PRDM16: variants seen among roughly 807,000 people sequenced by gnomAD.
PRDM16 encodes histone-lysine N-methyltransferase PRDM16.
Under a neutral mutation model 110.6 loss-of-function variants are expected in PRDM16, and 23 were observed. That is an observed-to-expected ratio of 0.21 (90% CI 0.15 to 0.29). PRDM16 has a LOEUF of 0.29. Among genes scored for constraint, PRDM16 ranks in the 10% least tolerant of loss-of-function variants. The pLI, the probability that PRDM16 is intolerant of heterozygous loss-of-function variation, is 1.00. For synonymous variants in PRDM16, 799 were observed against 781.8 expected (o/e 1.02, Z -0.37); for missense variants, 1,615 against 1,794.3 (o/e 0.90, Z 1.81).
At chr1:3,090,004 A>G (rs1047574250) in intron 1 of PRDM16, among the ~76,000 whole-genome samples, 16 of 152,282 alleles carry the variant, frequency 1.1e-4, no homozygotes, top group African/African-American at 3.9e-4. Flanking sequence ...ATTTCTAAGA[A>G]GCTCTGTTCC....
In PRDM16 at chr1:3,432,150, C is replaced by T. The variant is rs369030039; in HGVS notation, c.3696+10C>T. 2.2e-5 allele frequency: 35 copies of T among 1,609,686 alleles called. No individual in the cohort carries two copies. The highest frequency in any genetic ancestry group is 3.3e-5 in the South Asian group (3 of 90,804). On this transcript the variant is annotated intron_variant, in intron 16 of 16. Transcript: ENST00000270722. ...GCAGGCTAAGAACCAGGTAGGTACC[C>T]GCCAGAGCCCCTCCCCCACCCCACC...
chr1:3,384,705 A>G (rs1012897626), intron 3 of PRDM16, among the ~76,000 whole-genome samples: 1 of 152,226 alleles, frequency 6.6e-6, no homozygotes, highest in Non-Finnish European at 1.5e-5. Context: ...CTGAGCATGC[A>G]CACACACATG....
chr1:3,242,384 C>T (rs1486901214), intron 2 of PRDM16, among the ~76,000 whole-genome samples: 1 of 152,222 alleles, frequency 6.6e-6, no homozygotes, highest in Non-Finnish European at 1.5e-5. Flanking sequence ...CGGCTCACTA[C>T]GGCGGGATCT....
In PRDM16 at chr1:3,157,895, C is replaced by G. The variant is rs998888794; in HGVS notation, c.38-28230C>G. 6.6e-6 allele frequency among the ~76,000 whole-genome samples: 1 copy of G among 152,226 alleles called. No individual in the cohort carries two copies. The highest frequency in any genetic ancestry group is 1.5e-5 in the Non-Finnish European group (1 of 68,046). On this transcript the variant is annotated intron_variant, in intron 1 of 16. Coordinates refer to ENST00000270722, the MANE Select transcript of PRDM16 (RefSeq NM_022114.4). This position sits in a 1 kb window ranked among gnomAD's most constrained non-coding sequence, Gnocchi z 4.8. Reference sequence around the variant, plus strand: ...AGCACCAACTATGCCATCTTCCTCCCACTTAAACCTCTCTTTTGACAGAGG... The same window carrying G: ...AGCACCAACTATGCCATCTTCCTCCGACTTAAACCTCTCTTTTGACAGAGG...
rs2100576078 is a variant in PRDM16, at chr1:3,080,361, C to T, written c.37+11065C>T. Among the ~76,000 whole-genome samples, 1 of 152,320 alleles carries T rather than the reference C, an allele frequency of 6.6e-6. No homozygotes were observed. Among genetic ancestry groups the T allele is most frequent in the African/African-American group, 2.4e-5 (1 of 41,582 alleles). Reference sequence around the variant, plus strand: ...ACAGAATACAAATGGTGCCACGAAGCACCGGGGATTTACGGCCGACCCGCG... The same window carrying T: ...ACAGAATACAAATGGTGCCACGAAGTACCGGGGATTTACGGCCGACCCGCG... On this transcript the variant is annotated intron_variant, in intron 1 of 16. Coordinates refer to ENST00000270722, the MANE Select transcript of PRDM16 (RefSeq NM_022114.4). This position sits in a 1 kb window ranked among gnomAD's most constrained non-coding sequence, Gnocchi z 5.2.
intron 5 of PRDM16, 32 bp from the exon 6 acceptor site, chr1:3,402,759 C>A (rs187877521): frequency 5.0e-6 from 8 of 1,590,532 alleles, no homozygotes; most frequent in Non-Finnish European, 6.9e-6. Context: ...GTCTCCAGCT[C>A]ACTCACCACC....
At chr1:3,291,180 C>T (rs1257033726) in intron 3 of PRDM16, among the ~76,000 whole-genome samples, 3 of 152,082 alleles carry the variant, frequency 2.0e-5, no homozygotes, top group Admixed American at 1.3e-4. Flanking sequence ...GCAGCCCACA[C>T]GGCCTCTCTC....
At chr1:3,235,270 G>A (rs1195957789) in intron 2 of PRDM16, among the ~76,000 whole-genome samples, 1 of 152,214 alleles carries the variant, frequency 6.6e-6, no homozygotes, top group Non-Finnish European at 1.5e-5. Context: ...TCATTTCCAG[G>A]GCGTGCGTGT....
intron 3 of PRDM16, among the ~76,000 whole-genome samples, chr1:3,263,825 G>A (rs1215203883): frequency 6.6e-6 from 1 of 152,234 alleles, no homozygotes; most frequent in East Asian, 1.9e-4. Flanking sequence ...AGCGACCCCT[G>A]GGCAGGTGGC....
At chr1:3,273,392 C>T (rs1025240770) in intron 3 of PRDM16, among the ~76,000 whole-genome samples, 4 of 152,178 alleles carry the variant, frequency 2.6e-5, no homozygotes, top group Admixed American at 6.5e-5. Context: ...CCTTGGCATA[C>T]TCTGATCTGT....
intron 9 of PRDM16, among the ~76,000 whole-genome samples, chr1:3,413,851 A>G (rs1361447785): frequency 6.6e-6 from 1 of 152,130 alleles, no homozygotes; most frequent in Admixed American, 6.5e-5. Context: ...GGAGGTTTGC[A>G]TTGTGATTCA....
In PRDM16 at chr1:3,351,530, G is replaced by GCCCC. The variant is rs1642481291; in HGVS notation, c.439-33622_439-33621insCCCC. ...CTGTGTCACATTGGAACCCGTCTCTGTCCCCCTCCCTCTCTGTCCCCCTCC... is the reference window on the plus strand; with the variant it reads ...CTGTGTCACATTGGAACCCGTCTCTGCCCCTCCCCCTCCCTCTCTGTCCCCCTCC... On this transcript the variant is annotated intron_variant, in intron 3 of 16. Coordinates refer to ENST00000270722, the MANE Select transcript of PRDM16 (RefSeq NM_022114.4). Among the ~76,000 whole-genome samples, 4 of 5,154 alleles carry GCCCC rather than the reference G, an allele frequency of 7.8e-4. 1 individual carries two copies. The highest frequency in any genetic ancestry group is 4.5e-3 in the Admixed American group (2 of 444). The allele number at this position is 5,154 out of a possible 152,430, so 3.4% of individuals were successfully genotyped here.
chr1:3,087,720 T>A (rs1036850827), intron 1 of PRDM16, among the ~76,000 whole-genome samples: 1 of 152,136 alleles, frequency 6.6e-6, no homozygotes, highest in African/African-American at 2.4e-5. Flanking sequence ...ATGGCTGGAA[T>A]CACTCTTTTC....
At chr1:3,433,475 C>T (rs1368160132) in intron 16 of PRDM16, among the ~76,000 whole-genome samples, 1 of 151,762 alleles carries the variant, frequency 6.6e-6, no homozygotes, top group Non-Finnish European at 1.5e-5. Flanking sequence ...GCCTGCCCTG[C>T]CCATCTGCTG....
At chr1:3,083,186 G>C (rs541544118) in intron 1 of PRDM16, among the ~76,000 whole-genome samples, 1 of 152,210 alleles carries the variant, frequency 6.6e-6, no homozygotes, top group Admixed American at 6.5e-5. Context: ...TAAACGTCTC[G>C]TCCGAGACCA....
chr1:3,286,456 C>T (rs556828584), intron 3 of PRDM16, among the ~76,000 whole-genome samples: 4 of 152,266 alleles, frequency 2.6e-5, no homozygotes, highest in African/African-American at 9.6e-5. Flanking sequence ...ACCTGCTCTG[C>T]TCTGCAGACG....
At chr1:3,121,155 G>C (rs1303007233) in intron 1 of PRDM16, among the ~76,000 whole-genome samples, 1 of 152,184 alleles carries the variant, frequency 6.6e-6, no homozygotes, top group African/African-American at 2.4e-5. Context: ...GCCCGTCACG[G>C]AGCCCGCAGG....
chr1:3,147,363 TC>T (rs1384543550), intron 1 of PRDM16, among the ~76,000 whole-genome samples: 2 of 152,028 alleles, frequency 1.3e-5, no homozygotes, highest in Admixed American at 1.3e-4. Context: ...GCCGTCCCTG[TC>T]CCTTTCACTG....
intron 3 of PRDM16, among the ~76,000 whole-genome samples, chr1:3,326,101 CTCGACCATCCTTGGCCCTCG>C (rs1641897297): frequency 8.5e-5 from 12 of 141,518 alleles, no homozygotes; most frequent in South Asian, 4.5e-4. Flanking sequence ...CTTGGCCATC[CTCGACCATCCTTGGCCCTCG>C]TTGGCCATCC....
Sources: allele counts gnomAD v4.1 joint callset (sites outside exome capture counted in the v4.1 genomes callset), GRCh38; gene constraint gnomAD v4.1.1; non-coding constraint Gnocchi (gnomAD v3.1); transcripts MANE v1.5; gene names NCBI Gene and HGNC (gene_info 2026-07-23, HGNC 2026-07-21).